Variants in WIPF1 observed in about 807,000 individuals in gnomAD.
The protein encoded by WIPF1 is WAS/WASL interacting protein family member 1, also known as WAS/WASL-interacting protein family member 1.
A neutral mutation model predicts 35.4 loss-of-function variants in WIPF1; 13 were observed. The ratio of observed to expected loss-of-function variants is 0.37; its 90% CI spans 0.24 to 0.58. WIPF1 has a LOEUF of 0.58. Ranked by LOEUF, WIPF1 falls within the 20% of genes least tolerant of loss-of-function variation. WIPF1 has a pLI of 0.74. For synonymous variants in WIPF1, 267 were observed against 266.3 expected (o/e 1.00, Z -0.02); for missense variants, 591 against 667.0 (o/e 0.89, Z 1.25).
chr2:174,580,251 A>C (rs1016037517), intron 3 of WIPF1, among the ~76,000 whole-genome samples: 1 of 152,130 alleles, frequency 6.6e-6, no homozygotes, highest in Non-Finnish European at 1.5e-5. Context: ...GCGCCCGGCC[A>C]TAGTTCCTTT....
In WIPF1 at chr2:174,560,708, C is replaced by G. The variant is rs1446909084; in HGVS notation, c.*1839G>C. 2 of 152,514 alleles carry G rather than the reference C, an allele frequency of 1.3e-5. No homozygotes were observed. Among genetic ancestry groups the G allele is most frequent in the Non-Finnish European group, 2.9e-5 (2 of 68,016 alleles). The allele number at this position is 152,514 out of a possible 1,614,324, so 9.4% of individuals were successfully genotyped here. On this transcript the variant is annotated 3_prime_UTR_variant, in exon 8 of 8. Coordinates refer to ENST00000679041, the MANE Select transcript of WIPF1 (RefSeq NM_001375834.1). ...GTAGAGGAGAGAGGAAACACAGGTT[C>G]TCTAATGTACTAAATCAGGACTTTG... is the stretch of plus-strand genomic sequence containing the variant.
At chr2:174,575,993 C>G (rs986899141) in intron 3 of WIPF1, among the ~76,000 whole-genome samples, 21 of 151,596 alleles carry the variant, frequency 1.4e-4, no homozygotes, top group African/African-American at 4.9e-4. Context: ...TGGCTCACAC[C>G]TATAATACCA....
intron 1 of WIPF1, among the ~76,000 whole-genome samples, chr2:174,603,934 G>C (rs949382314): frequency 2.6e-5 from 4 of 152,134 alleles, no homozygotes; most frequent in Non-Finnish European, 5.9e-5. Context: ...TTATTTGAAA[G>C]ATATTTATTT....
intron 1 of WIPF1, among the ~76,000 whole-genome samples, chr2:174,611,965 A>C (rs1686362175): frequency 6.6e-6 from 1 of 152,018 alleles, no homozygotes; most frequent in African/African-American, 2.4e-5. Context: ...GGCATGATCA[A>C]CTCGCTGCAG....
upstream of WIPF1, among the ~76,000 whole-genome samples, chr2:174,601,490 AG>A (rs968319350): frequency 1.3e-5 from 2 of 152,066 alleles, no homozygotes; most frequent in Non-Finnish European, 2.9e-5. Context: ...TCAGAAAGGA[AG>A]GGGGGGAAAT....
intron 1 of WIPF1, among the ~76,000 whole-genome samples, chr2:174,604,313 C>A (rs1305928106): frequency 3.3e-5 from 5 of 152,210 alleles, no homozygotes; most frequent in African/African-American, 1.2e-4. Context: ...AAGAAATTTT[C>A]TTCACAAACG....
At chr2:174,629,257 C>G (rs1425795728) in intron 1 of WIPF1, among the ~76,000 whole-genome samples, 2 of 152,222 alleles carry the variant, frequency 1.3e-5, no homozygotes, top group African/African-American at 2.4e-5. Flanking sequence ...TTTATCCTTC[C>G]TGATTCATCA....
At chr2:174,636,648 G>A (rs544645450) in intron 1 of WIPF1, among the ~76,000 whole-genome samples, 11 of 152,210 alleles carry the variant, frequency 7.2e-5, no homozygotes, top group Admixed American at 3.3e-4. Context: ...TGTTTCTTAC[G>A]CTCCACTTGG....
intron 1 of WIPF1, among the ~76,000 whole-genome samples, chr2:174,681,730 C>G (rs953518230): frequency 3.9e-5 from 6 of 152,120 alleles, no homozygotes; most frequent in African/African-American, 9.7e-5. Flanking sequence ...GCAGGACGGA[C>G]ACACGCTTTT....
chr2:174,604,178 G>A (rs1686087430), intron 1 of WIPF1, among the ~76,000 whole-genome samples: 1 of 152,188 alleles, frequency 6.6e-6, no homozygotes, highest in Non-Finnish European at 1.5e-5. Flanking sequence ...AGTTGGTATT[G>A]TTTGTGCCCA....
chr2:174,671,732 G>A (rs1167513553), intron 1 of WIPF1, among the ~76,000 whole-genome samples: 4 of 152,052 alleles, frequency 2.6e-5, no homozygotes, highest in South Asian at 2.1e-4. Flanking sequence ...CTCCCGTAGC[G>A]CTCCCAGGCC....
chr2:174,573,478 A>C (rs1400057375), intron 4 of WIPF1, among the ~76,000 whole-genome samples: 1 of 152,212 alleles, frequency 6.6e-6, no homozygotes, highest in Non-Finnish European at 1.5e-5. Flanking sequence ...AATTATATGT[A>C]CTAAAAAGAC....
intron 1 of WIPF1, among the ~76,000 whole-genome samples, chr2:174,591,589 C>T (rs1685608866): frequency 6.6e-6 from 1 of 151,956 alleles, no homozygotes; most frequent in Non-Finnish European, 1.5e-5. Flanking sequence ...TCGTAAGGAA[C>T]TGGCTTTATG....
At chr2:174,647,267 A>G (rs1452377450) in intron 1 of WIPF1, among the ~76,000 whole-genome samples, 2 of 151,172 alleles carry the variant, frequency 1.3e-5, no homozygotes, top group Non-Finnish European at 2.9e-5. Flanking sequence ...AGTCCTAGCT[A>G]TCTGGCAGGC....
At chr2:174,632,497 G>A (rs1372865857) in intron 1 of WIPF1, among the ~76,000 whole-genome samples, 2 of 151,896 alleles carry the variant, frequency 1.3e-5, no homozygotes, top group Non-Finnish European at 2.9e-5. Context: ...ATCACCTGAG[G>A]TCAGGAGTTC....
chr2:174,638,863 T>G (rs1402671714), intron 1 of WIPF1, among the ~76,000 whole-genome samples: 1 of 152,254 alleles, frequency 6.6e-6, no homozygotes, highest in Non-Finnish European at 1.5e-5. Context: ...GGATAACTCT[T>G]CAACATAATG....
intron 5 of WIPF1, chr2:174,568,935 G>A (rs931777078): frequency 6.6e-6 from 1 of 151,962 alleles, no homozygotes; most frequent in African/African-American, 2.4e-5. Context: ...AAAATTCAAG[G>A]AAATTTTTTT....
In WIPF1 at chr2:174,560,204, T is replaced by C. The variant is rs1449131076; in HGVS notation, c.*2343A>G. On this transcript the variant is annotated 3_prime_UTR_variant, in exon 8 of 8. Transcript: ENST00000679041. The stretch of plus-strand genomic sequence containing the variant: ...AACTTATTCATAGTTTTAGATGCAA[T>C]TAGGTTGCAAACTTTCAAAGAAAGG... 1 of 152,610 alleles carries C rather than the reference T, an allele frequency of 6.6e-6. No homozygotes were observed. Among genetic ancestry groups the C allele is most frequent in the South Asian group, 2.1e-4 (1 of 4,834 alleles). 9.5% of individuals were successfully genotyped at this position (152,610 alleles called of 1,614,324 possible).
At chr2:174,679,725 A>T (rs1009724584) in intron 1 of WIPF1, among the ~76,000 whole-genome samples, 3 of 152,224 alleles carry the variant, frequency 2.0e-5, no homozygotes, top group African/African-American at 7.2e-5. Context: ...CAACTAACTG[A>T]AGATATTCTG....
Sources: allele counts gnomAD v4.1 joint callset (sites outside exome capture counted in the v4.1 genomes callset), GRCh38; gene constraint gnomAD v4.1.1; transcripts MANE v1.5; gene names NCBI Gene and HGNC (gene_info 2026-07-23, HGNC 2026-07-21).